The following PDE7B variants were observed in gnomAD, a reference collection of about 807,000 sequenced individuals.
PDE7B encodes the protein phosphodiesterase 7B.
PDE7B carries 29 observed loss-of-function variants against 56.2 expected under a neutral mutation model. The observed-to-expected ratio is 0.52, with a 90% CI of 0.38 to 0.70. The LOEUF is 0.70. Ranked by LOEUF, PDE7B falls within the 30% of genes least tolerant of loss-of-function variation. The probability of loss-of-function intolerance (pLI) is 0.00; values close to 1 mark genes in which losing one functional copy is unlikely to be tolerated. For missense variants in PDE7B, 490 were observed against 565.0 expected (o/e 0.87, Z 1.35); for synonymous variants, 197 against 196.9 (o/e 1.00, Z 0.00).
At chr6:136,041,240 C>T (rs978844401) in intron 2 of PDE7B, among the ~76,000 whole-genome samples, 2 of 152,070 alleles carry the variant, frequency 1.3e-5, no homozygotes, top group African/African-American at 2.4e-5. Flanking sequence ...ATTATTTTTA[C>T]GCACCCTTCT....
intron 2 of PDE7B, among the ~76,000 whole-genome samples, chr6:136,063,696 T>G (rs993028628): frequency 1.3e-5 from 2 of 152,194 alleles, no homozygotes; most frequent in Non-Finnish European, 2.9e-5. Flanking sequence ...CGCCTCACTT[T>G]CCCTGCACAC....
chr6:136,030,473 G>A (rs553373179), intron 2 of PDE7B, among the ~76,000 whole-genome samples: 4 of 152,210 alleles, frequency 2.6e-5, no homozygotes, highest in Non-Finnish European at 4.4e-5. Flanking sequence ...TGCATGTGTT[G>A]TGTGTGTGTG....
chr6:135,924,996 G>GTTT (rs5880270), intron 1 of PDE7B, among the ~76,000 whole-genome samples: 70 of 133,824 alleles, frequency 5.2e-4, no homozygotes, highest in African/African-American at 1.8e-3. Flanking sequence ...ATATTTGGGT[G>GTTT]TTTTTTTTTT....
chr6:135,881,164 T>C (rs1775602782), intron 1 of PDE7B, among the ~76,000 whole-genome samples: 1 of 152,046 alleles, frequency 6.6e-6, no homozygotes, highest in Admixed American at 6.6e-5. Flanking sequence ...GAGCATATCT[T>C]TGAGACTCAG....
In PDE7B at chr6:135,970,682, G is replaced by A. The variant is rs560216982; in HGVS notation, c.82+23158G>A. On this transcript the variant is annotated intron_variant, in intron 2 of 12. Coordinates refer to ENST00000308191, the MANE Select transcript of PDE7B (RefSeq NM_018945.4). Reference sequence around the variant, plus strand: ...ATATGTGCAGTGTTCTGAACAAGGAGTGGCATAACTTATATTTTTAGAGAT... The same window carrying A: ...ATATGTGCAGTGTTCTGAACAAGGAATGGCATAACTTATATTTTTAGAGAT... 4.9e-4 allele frequency among the ~76,000 whole-genome samples: 74 copies of A among 152,258 alleles called. 1 individual carries two copies. The highest frequency in any genetic ancestry group is 8.1e-4 in the Non-Finnish European group (55 of 68,020).
Position 135,911,714 on chromosome 6 carries a change from A to C in PDE7B, c.22-35750A>C, listed in dbSNP as rs9402775. Among the ~76,000 whole-genome samples the C allele has an allele frequency of 0.023, 3,453 of 152,278 alleles. 279 individuals carry two copies. In the East Asian group the frequency reaches 0.25, roughly 11 times the overall value. On this transcript the variant is annotated intron_variant, in intron 1 of 12. Coordinates refer to ENST00000308191, the MANE Select transcript of PDE7B (RefSeq NM_018945.4). ...GAAAACCACAAAAGTCCAAATCTGCACTATCCAATATGGTAACTACAAGTC... is the reference window on the plus strand; with the variant it reads ...GAAAACCACAAAAGTCCAAATCTGCCCTATCCAATATGGTAACTACAAGTC...
chr6:135,998,818 T>G (rs1775614180), intron 2 of PDE7B, among the ~76,000 whole-genome samples: 1 of 151,386 alleles, frequency 6.6e-6, no homozygotes. Context: ...ACTTAGACAT[T>G]ACAATTTTCA....
intron 1 of PDE7B, among the ~76,000 whole-genome samples, chr6:135,925,757 T>A (rs1398747273): frequency 6.6e-6 from 1 of 152,222 alleles, no homozygotes; most frequent in East Asian, 1.9e-4. Flanking sequence ...TATGCTCTCC[T>A]ATGCCACCCA....
intron 1 of PDE7B, among the ~76,000 whole-genome samples, chr6:135,879,947 A>C (rs1583731986): frequency 6.6e-6 from 1 of 152,228 alleles, no homozygotes; most frequent in Non-Finnish European, 1.5e-5. Flanking sequence ...ATGTATGTAC[A>C]TAATTATGCA....
chr6:135,879,729 T>C (rs1168534956), intron 1 of PDE7B, among the ~76,000 whole-genome samples: 1 of 152,146 alleles, frequency 6.6e-6, no homozygotes, highest in Non-Finnish European at 1.5e-5. Context: ...AAGAATGATA[T>C]GAAGACCAGA....
Position 135,954,228 on chromosome 6 carries a change from C to T in PDE7B, c.82+6704C>T, listed in dbSNP as rs544036011. 2.8e-4 allele frequency among the ~76,000 whole-genome samples: 43 copies of T among 152,296 alleles called. No homozygotes were observed. In the East Asian group the frequency reaches 7.3e-3, roughly 26 times the overall value. ...GTGATTATCACAGAAGTAAGGACTC[C>T]GTTTCATTCACTGTTGAGTATCCAG... On this transcript the variant is annotated intron_variant, in intron 2 of 12. Coordinates refer to ENST00000308191, the MANE Select transcript of PDE7B (RefSeq NM_018945.4).
chr6:136,190,166 T>C (rs1250767720), intron 12 of PDE7B, among the ~76,000 whole-genome samples: 1 of 152,156 alleles, frequency 6.6e-6, no homozygotes, highest in African/African-American at 2.4e-5. Flanking sequence ...AATATGGAGA[T>C]TGTGGAGGAG....
At chr6:136,137,404 T>C (rs1778229516) in intron 3 of PDE7B, among the ~76,000 whole-genome samples, 1 of 152,144 alleles carries the variant, frequency 6.6e-6, no homozygotes, top group Non-Finnish European at 1.5e-5. Flanking sequence ...GAGGTTCAGT[T>C]GGACTGATGC....
At position 136,195,538 on chromosome 6, in the gene PDE7B, AACAAAT is replaced by A. The variant is rs904832515; in HGVS notation, c.*3700_*3705del. On this transcript the variant is annotated 3_prime_UTR_variant, in exon 13 of 13. Transcript: ENST00000308191. ...AAGTAGCCATTGGCATGTCTAGATG[AACAAAT>A]AAAAATAAAGATAATTTCTTTAAAA... The A allele has an allele frequency of 1.2e-4, 18 of 148,926 alleles. No individual in the cohort carries two copies. Among genetic ancestry groups the A allele is most frequent in the African/African-American group, 4.4e-4 (17 of 38,524 alleles). 9.2% of individuals were successfully genotyped at this position (148,926 alleles called of 1,614,324 possible).
intron 1 of PDE7B, among the ~76,000 whole-genome samples, chr6:135,877,757 A>AAAAC (rs1562421632): frequency 4.1e-5 from 6 of 145,906 alleles, no homozygotes; most frequent in African/African-American, 1.1e-4. Flanking sequence ...CAAAACAAAA[A>AAAAC]AAAAAAAAAA....
At chr6:136,000,403 A>G (rs1323302731) in intron 2 of PDE7B, among the ~76,000 whole-genome samples, 1 of 152,086 alleles carries the variant, frequency 6.6e-6, no homozygotes, top group African/African-American at 2.4e-5. Flanking sequence ...TAAGTCTTTC[A>G]TCCATATTGA....
intron 2 of PDE7B, among the ~76,000 whole-genome samples, chr6:136,004,053 C>T (rs9389355): frequency 0.29 from 43,559 of 150,872 alleles, 7,025 homozygotes; most frequent in Admixed American, 0.41. Flanking sequence ...TCAATATACA[C>T]AAATCAATAA....
At chr6:135,919,246 A>G (rs914519881) in intron 1 of PDE7B, among the ~76,000 whole-genome samples, 3 of 152,188 alleles carry the variant, frequency 2.0e-5, no homozygotes, top group African/African-American at 4.8e-5. Context: ...TTCAGTTTCA[A>G]TGGAAAAATA....
intron 3 of PDE7B, among the ~76,000 whole-genome samples, chr6:136,125,422 G>A (rs901691436): frequency 6.6e-6 from 1 of 151,960 alleles, no homozygotes; most frequent in Non-Finnish European, 1.5e-5. Context: ...AAATTAGTCA[G>A]GCATGGTGGT....
Sources: gnomAD v4.1 joint callset for allele counts (sites outside exome capture counted in the v4.1 genomes callset) on GRCh38, gnomAD v4.1.1 for gene constraint, MANE v1.5 for transcripts, NCBI Gene and HGNC (gene_info 2026-07-23, HGNC 2026-07-21) for gene names.